Variants in ZXDC observed in about 807,000 individuals in gnomAD.
ZXDC encodes zinc finger protein ZXDC.
In ZXDC, 58 loss-of-function variants were observed where a neutral mutation model predicts 63.6. The observed-to-expected ratio is 0.91, with a 90% CI of 0.74 to 1.13. The LOEUF is 1.13. ZXDC is among the 50% of genes most tolerant of loss of function. The pLI is 0.00. For missense variants in ZXDC, 1,133 were observed against 1,148.9 expected (o/e 0.99, Z 0.20); for synonymous variants, 561 against 496.1 (o/e 1.13, Z -1.74).
chr3:126,452,190 A>G, intron 7 of ZXDC: 7 of 985,408 alleles, frequency 7.1e-6, no homozygotes, highest in Non-Finnish European at 8.4e-6. Context: ...ACATGCTTTC[A>G]GCTGCCACAG....
intron 5 of ZXDC, 59 bp downstream of exon 5, chr3:126,466,096 C>T (rs562538451): frequency 1.3e-5 from 20 of 1,558,550 alleles, no homozygotes; most frequent in Non-Finnish European, 3.5e-6. Context: ...ACGGCACTGG[C>T]ACTGTTCCCG....
intron 7 of ZXDC, chr3:126,454,712 C>T: frequency 1.0e-6 from 1 of 985,448 alleles, no homozygotes; most frequent in Non-Finnish European, 1.2e-6. Flanking sequence ...ACTTTCTTTC[C>T]CTTCTCTGCC....
At chr3:126,453,442 T>C (rs963365517) in intron 7 of ZXDC, 1 of 985,482 alleles carries the variant, frequency 1.0e-6, no homozygotes, top group Non-Finnish European at 1.2e-6. Context: ...GGAAGACATC[T>C]GAGGCACAAA....
At chr3:126,467,368 G>C (rs1026731857) in intron 4 of ZXDC, among the ~76,000 whole-genome samples, 3 of 152,182 alleles carry the variant, frequency 2.0e-5, no homozygotes, top group Non-Finnish European at 4.4e-5. Flanking sequence ...TGAAACGGGA[G>C]TGACACCTAC....
chr3:126,455,594 G>A (rs1344198605), intron 7 of ZXDC, among the ~76,000 whole-genome samples: 1 of 152,196 alleles, frequency 6.6e-6, no homozygotes, highest in Non-Finnish European at 1.5e-5. Flanking sequence ...GAATGTTGAT[G>A]GGGCACAAGA....
In ZXDC at chr3:126,451,776, G is replaced by A. The variant is rs550938799; in HGVS notation, c.2212+7877C>T. The A allele has an allele frequency of 1.6e-5, 16 of 985,366 alleles. No homozygotes were observed. The South Asian group carries it at 2.4e-4, about 14-fold the overall frequency. 61.0% of individuals were successfully genotyped at this position (985,366 alleles called of 1,614,324 possible). A position where few individuals can be genotyped will look rare whatever the true frequency, so the allele number is the denominator to read the frequency against. On this transcript the variant is annotated intron_variant, in intron 7 of 9. Transcript: ENST00000389709. ...TGGTGATCTGGAAAGCTCTCTGTGCGGACGTGTCTCTGTGGCTGTGCCTCT... is the reference window on the plus strand; with the variant it reads ...TGGTGATCTGGAAAGCTCTCTGTGCAGACGTGTCTCTGTGGCTGTGCCTCT...
chr3:126,447,552 C>G (rs543912386), intron 7 of ZXDC, among the ~76,000 whole-genome samples: 1 of 152,150 alleles, frequency 6.6e-6, no homozygotes, highest in Non-Finnish European at 1.5e-5. Context: ...AAAATAGAGA[C>G]TTCCATAAAA....
At chr3:126,450,434 G>A in intron 7 of ZXDC, 1 of 456,702 alleles carries the variant, frequency 2.2e-6, no homozygotes, top group South Asian at 1.5e-5. Flanking sequence ...GGTGTACACG[G>A]GGCCCACAGG....
rs1015404977 is a variant in ZXDC at position 126,458,955 on chromosome 3, T to C, written c.2212+698A>G. 3 of 981,296 alleles carry C rather than the reference T, an allele frequency of 3.1e-6. No individual in the cohort carries two copies. In the African/African-American group the frequency reaches 5.3e-5, roughly 17 times the overall value. 60.8% of individuals were successfully genotyped at this position (981,296 alleles called of 1,614,324 possible). Reference sequence around the variant, plus strand: ...TTTAAATAAGAAGTCATAATACTATTAGGAATAGAGAGCAAGATATAAAAT... The same window carrying C: ...TTTAAATAAGAAGTCATAATACTATCAGGAATAGAGAGCAAGATATAAAAT... On this transcript the variant is annotated intron_variant, in intron 7 of 9. Coordinates refer to ENST00000389709, the MANE Select transcript of ZXDC (RefSeq NM_025112.5).
chr3:126,449,821 A>T (rs559698509), intron 7 of ZXDC, among the ~76,000 whole-genome samples: 10 of 152,306 alleles, frequency 6.6e-5, no homozygotes, highest in African/African-American at 2.4e-4. Flanking sequence ...TGCCATGCAG[A>T]CTGAAAGGGA....
chr3:126,457,709 A>C (rs1421469252), intron 7 of ZXDC: 2 of 947,860 alleles, frequency 2.1e-6, no homozygotes, highest in East Asian at 1.2e-4. Context: ...CCCAGCTATA[A>C]GTAAGAAAGG....
In ZXDC at chr3:126,475,069, C is replaced by A; in HGVS notation, c.797G>T (p.Ser266Ile). Residue 266 changes from serine to isoleucine, a missense_variant, in exon 1 of 10, where the codon AGC becomes ATC. By Grantham distance (142) the Ser-to-Ile change is moderately radical. Coordinates refer to ENST00000389709, the MANE Select transcript of ZXDC (RefSeq NM_025112.5). The part of the protein sequence containing the change: ...KAHMKGHEQE[S>I]LFKCEVCAER... ...GGCGCACACCTCGCACTTGAACAGG[C>A]TCTCCTGCTCGTGGCCCTTCATGTG... 3.7e-6 allele frequency: 6 copies of A among 1,605,922 alleles called. No homozygotes were observed. Among genetic ancestry groups the A allele is most frequent in the Non-Finnish European group, 5.1e-6 (6 of 1,176,244 alleles).
At chr3:126,445,107 A>G (rs746863192) in intron 7 of ZXDC, among the ~76,000 whole-genome samples, 1 of 152,234 alleles carries the variant, frequency 6.6e-6, no homozygotes, top group Non-Finnish European at 1.5e-5. Context: ...GTAGTCCTGT[A>G]GACACCAGTT....
chr3:126,474,281 G>A (rs1280942534), intron 1 of ZXDC, among the ~76,000 whole-genome samples: 1 of 152,038 alleles, frequency 6.6e-6, no homozygotes, highest in African/African-American at 2.4e-5. Flanking sequence ...AGCCAGGATG[G>A]TCTCGATCTC....
At chr3:126,447,206 A>G (rs1933915749) in intron 7 of ZXDC, among the ~76,000 whole-genome samples, 1 of 152,212 alleles carries the variant, frequency 6.6e-6, no homozygotes, top group Non-Finnish European at 1.5e-5. Flanking sequence ...ATTTTACAGG[A>G]ACTGAATAAA....
intron 7 of ZXDC, chr3:126,451,063 C>G (rs1934083139): frequency 2.2e-6 from 2 of 899,772 alleles, no homozygotes; most frequent in African/African-American, 1.8e-5. Context: ...TCATCACCAC[C>G]TGAGTCCCTC....
chr3:126,441,939 T>C lies in ZXDC; in HGVS notation c.2220A>G (p.Ser740=). ...CTTTTATTTTTCTCTGAGTAGACTG[T>C]GAGGCTCCTAAAATGAAATATAAAA... is the stretch of plus-strand genomic sequence containing the variant. ...QRGAGSNAGA[S]QSTQRKIKEG... The change falls in exon 8 of 10, where the codon TCA becomes TCG. Residue 740 remains serine, a synonymous_variant. Coordinates refer to ENST00000389709, the MANE Select transcript of ZXDC (RefSeq NM_025112.5). 6.3e-7 allele frequency: 1 copy of C among 1,597,366 alleles called. No homozygotes were observed. The highest frequency in any genetic ancestry group is 1.1e-5 in the South Asian group (1 of 88,972).
intron 4 of ZXDC, among the ~76,000 whole-genome samples, chr3:126,470,564 C>G (rs560115067): frequency 1.3e-5 from 2 of 152,296 alleles, no homozygotes; most frequent in Non-Finnish European, 2.9e-5. Flanking sequence ...AAGTACCTAC[C>G]ATTTACTGAG....
intron 1 of ZXDC, among the ~76,000 whole-genome samples, chr3:126,473,844 G>A (rs1229653891): frequency 6.6e-6 from 1 of 152,064 alleles, no homozygotes; most frequent in Non-Finnish European, 1.5e-5. Flanking sequence ...TTCCTCCTGG[G>A]CCCTCACCAC....
Sources: allele counts gnomAD v4.1 joint callset (sites outside exome capture counted in the v4.1 genomes callset), GRCh38; gene constraint gnomAD v4.1.1; transcripts MANE v1.5; gene names NCBI Gene and HGNC (gene_info 2026-07-23, HGNC 2026-07-21).